The following EXOC6B variants were observed in gnomAD, a reference collection of about 807,000 sequenced individuals.
EXOC6B encodes the protein SEC15 homolog B.
A neutral mutation model predicts 113.5 loss-of-function variants in EXOC6B; 54 were observed. The ratio of observed to expected loss-of-function variants is 0.48; its 90% CI spans 0.38 to 0.60. EXOC6B has a LOEUF of 0.60. Among genes scored for constraint, EXOC6B ranks in the 20% least tolerant of loss-of-function variants. The pLI, the probability that EXOC6B is intolerant of heterozygous loss-of-function variation, is 0.00. For missense variants in EXOC6B, 797 were observed against 977.5 expected, an observed-to-expected ratio of 0.82 and a Z score of 2.46; for synonymous variants, 357 against 339.0, an observed-to-expected ratio of 1.05 and a Z score of -0.58.
At chr2:72,632,168 A>G (rs1361694935) in intron 6 of EXOC6B, among the ~76,000 whole-genome samples, 1 of 152,212 alleles carries the variant, frequency 6.6e-6, no homozygotes, top group African/African-American at 2.4e-5. Context: ...GGAAATGAAT[A>G]CACAATTCAC....
intron 20 of EXOC6B, among the ~76,000 whole-genome samples, chr2:72,259,763 C>T (rs899966955): frequency 1.3e-5 from 2 of 152,044 alleles, no homozygotes; most frequent in Non-Finnish European, 2.9e-5. Context: ...GAAAGTGTAG[C>T]AGTGCGGCCA....
intron 6 of EXOC6B, among the ~76,000 whole-genome samples, chr2:72,625,581 T>C (rs959894493): frequency 6.6e-6 from 1 of 152,140 alleles, no homozygotes; most frequent in Non-Finnish European, 1.5e-5. Context: ...AACTCACAAG[T>C]AACACATCTG....
At chr2:72,619,268 T>C (rs1326791876) in intron 6 of EXOC6B, among the ~76,000 whole-genome samples, 1 of 151,692 alleles carries the variant, frequency 6.6e-6, no homozygotes, top group East Asian at 1.9e-4. Flanking sequence ...TATGAAACAA[T>C]GACCCAATCA....
chr2:72,731,101 T>C, intron 4 of EXOC6B, 49 bp from the exon 5 acceptor site: 2 of 1,573,274 alleles, frequency 1.3e-6, no homozygotes, highest in South Asian at 1.2e-5. Context: ...GAAAGCCTAA[T>C]TAAAGCAAAA....
At chr2:72,518,962 G>A (rs1379130810) in intron 8 of EXOC6B, among the ~76,000 whole-genome samples, 1 of 152,136 alleles carries the variant, frequency 6.6e-6, no homozygotes, top group Non-Finnish European at 1.5e-5. Flanking sequence ...CTGATACAAA[G>A]TTTCTAACCT....
chr2:72,287,662 A>G (rs1157240590), intron 20 of EXOC6B, among the ~76,000 whole-genome samples: 1 of 152,052 alleles, frequency 6.6e-6, no homozygotes, highest in African/African-American at 2.4e-5. Flanking sequence ...AGAGAATATT[A>G]TGAATGACTT....
intron 6 of EXOC6B, among the ~76,000 whole-genome samples, chr2:72,709,229 C>T (rs1679106504): frequency 6.6e-6 from 1 of 152,026 alleles, no homozygotes; most frequent in Non-Finnish European, 1.5e-5. Context: ...ATTTGTATTT[C>T]TCTATATTTC....
chr2:72,441,112 C>A (rs1326170835), intron 18 of EXOC6B, among the ~76,000 whole-genome samples: 1 of 152,096 alleles, frequency 6.6e-6, no homozygotes, highest in African/African-American at 2.4e-5. Context: ...TCTTGTAAGG[C>A]AGATAAGGTG....
intron 6 of EXOC6B, among the ~76,000 whole-genome samples, chr2:72,704,881 C>T (rs1313086263): frequency 1.3e-4 from 20 of 150,948 alleles, no homozygotes; most frequent in Admixed American, 9.9e-4. Context: ...GGATTCACAG[C>T]CGAATTCTAC....
intron 1 of EXOC6B, among the ~76,000 whole-genome samples, chr2:72,799,839 C>T (rs932477801): frequency 9.9e-5 from 15 of 152,090 alleles, no homozygotes; most frequent in African/African-American, 2.2e-4. Flanking sequence ...CCAAGGCAGA[C>T]GAATTGCTTG....
intron 18 of EXOC6B, among the ~76,000 whole-genome samples, chr2:72,432,596 T>C (rs888154040): frequency 2.0e-5 from 3 of 152,192 alleles, no homozygotes; most frequent in Non-Finnish European, 4.4e-5. Context: ...TGTTGTTTCC[T>C]GACTTCTTAA....
chr2:72,684,944 G>T lies in EXOC6B; in HGVS notation c.669+33159C>A, dbSNP rs144291135. Among the ~76,000 whole-genome samples the T allele has an allele frequency of 1.6e-4, 24 of 152,094 alleles. No homozygotes were observed. The East Asian group carries it at 4.3e-3, about 27-fold the overall frequency. The stretch of plus-strand genomic sequence containing the variant: ...TAGGTTAAGCATTTGTCAAAAACTC[G>T]CTTCAGATTTGCGTAGATTTGAGGT... On this transcript the variant is annotated intron_variant, in intron 6 of 21. Coordinates refer to ENST00000272427, the MANE Select transcript of EXOC6B (RefSeq NM_015189.3).
At position 72,636,488 on chromosome 2, in the gene EXOC6B, A is replaced by AAGG. The variant is rs370524817; in HGVS notation, c.670-60823_670-60821dup. ...GAGGAAGAAAAAGATGAAGGAGGAG[A>AAGG]AGGAGGAGGAGGAGGAGGAGAGAAA... On this transcript the variant is annotated intron_variant, in intron 6 of 21. Coordinates refer to ENST00000272427, the MANE Select transcript of EXOC6B (RefSeq NM_015189.3). Among the ~76,000 whole-genome samples, 33 of 144,286 alleles carry AAGG rather than the reference A, an allele frequency of 2.3e-4. No homozygotes were observed. In the South Asian group the frequency reaches 3.7e-3, roughly 16 times the overall value. The allele number at this position is 144,286 out of a possible 152,430, so 94.7% of individuals were successfully genotyped here.
At chr2:72,425,575 C>G (rs1695158363) in intron 18 of EXOC6B, among the ~76,000 whole-genome samples, 1 of 152,152 alleles carries the variant, frequency 6.6e-6, no homozygotes, top group South Asian at 2.1e-4. Context: ...CCCCTCTCCC[C>G]AAATCTCCAT....
intron 16 of EXOC6B, among the ~76,000 whole-genome samples, chr2:72,481,305 A>G (rs1435433888): frequency 1.3e-5 from 2 of 152,256 alleles, no homozygotes; most frequent in Non-Finnish European, 2.9e-5. Context: ...AATACGTCCT[A>G]GCATTCCAAA....
intron 18 of EXOC6B, among the ~76,000 whole-genome samples, chr2:72,454,816 G>C (rs925534158): frequency 6.6e-6 from 1 of 152,114 alleles, no homozygotes; most frequent in Admixed American, 6.6e-5. Flanking sequence ...AAAGTTCTAA[G>C]TAATAGCTCA....
At chr2:72,723,575 A>C (rs1558950429) in intron 5 of EXOC6B, among the ~76,000 whole-genome samples, 1 of 152,188 alleles carries the variant, frequency 6.6e-6, no homozygotes, top group East Asian at 1.9e-4. Flanking sequence ...AGTATGATAA[A>C]ATATGAAATA....
At chr2:72,246,930 T>A (rs538281812) in intron 20 of EXOC6B, among the ~76,000 whole-genome samples, 1 of 152,200 alleles carries the variant, frequency 6.6e-6, no homozygotes, top group South Asian at 2.1e-4. Flanking sequence ...GAGATGGCCT[T>A]CTAAGAACTT....
intron 11 of EXOC6B, among the ~76,000 whole-genome samples, chr2:72,510,660 T>A (rs1036794516): frequency 1.2e-4 from 18 of 151,648 alleles, no homozygotes; most frequent in African/African-American, 4.3e-4. Flanking sequence ...ACTTTACATT[T>A]ATATATCAGA....
Sources: allele counts gnomAD v4.1 joint callset (sites outside exome capture counted in the v4.1 genomes callset), GRCh38; gene constraint gnomAD v4.1.1; transcripts MANE v1.5; gene names NCBI Gene and HGNC (gene_info 2026-07-23, HGNC 2026-07-21).